The following GALNT13 variants were observed in gnomAD, a reference collection of about 807,000 sequenced individuals.
GALNT13 encodes polypeptide N-acetylgalactosaminyltransferase 13, also known as UDP-GalNAc:polypeptide N-acetylgalactosaminyltransferase 13.
A neutral mutation model predicts 64.2 loss-of-function variants in GALNT13; 28 were observed. That is an observed-to-expected ratio of 0.44 (90% confidence interval 0.32 to 0.60). The LOEUF (loss-of-function observed/expected upper bound fraction) is 0.60. GALNT13 is among the 20% of genes least tolerant of loss of function. The pLI is 0.05. For synonymous variants in GALNT13, 214 were observed against 224.6 expected (o/e 0.95, Z 0.42); for missense variants, 577 against 669.8 (o/e 0.86, Z 1.53).
chr2:153,157,508 A>G, the GALNT13 span, among the ~76,000 whole-genome samples: 2 of 152,188 alleles, frequency 1.3e-5, no homozygotes, highest in East Asian at 1.9e-4. Flanking sequence ...TTTTCAAGCT[A>G]AACGTTACAC....
intron 11 of GALNT13, among the ~76,000 whole-genome samples, chr2:154,422,206 C>T (rs1048213110): frequency 6.6e-6 from 1 of 152,096 alleles, no homozygotes; most frequent in Non-Finnish European, 1.5e-5. Flanking sequence ...CAAAGGTTGT[C>T]AAAGGATCGT....
chr2:153,212,516 C>A, the GALNT13 span, among the ~76,000 whole-genome samples: 1 of 152,142 alleles, frequency 6.6e-6, no homozygotes. Flanking sequence ...GAGGATGATT[C>A]ATTCTTGTGG....
intron 3 of GALNT13, among the ~76,000 whole-genome samples, chr2:154,096,840 A>G (rs1390928843): frequency 1.3e-5 from 2 of 152,060 alleles, no homozygotes; most frequent in Non-Finnish European, 2.9e-5. Context: ...TTTATTAATG[A>G]TAAAGATGAA....
At chr2:153,101,468 T>A in the GALNT13 span, among the ~76,000 whole-genome samples, 7 of 152,380 alleles carry the variant, frequency 4.6e-5, no homozygotes, top group South Asian at 1.4e-3. Context: ...GTGGTTTTAC[T>A]GTTGAAGCAG....
At chr2:153,077,348 A>T in the GALNT13 span, among the ~76,000 whole-genome samples, 1 of 152,210 alleles carries the variant, frequency 6.6e-6, no homozygotes, top group Non-Finnish European at 1.5e-5. Context: ...GAAAAATCTG[A>T]GTCACAATAA....
At chr2:154,170,815 C>T (rs958540044) in intron 4 of GALNT13, among the ~76,000 whole-genome samples, 2 of 151,988 alleles carry the variant, frequency 1.3e-5, no homozygotes, top group Admixed American at 1.3e-4. Context: ...AATGTCCCTA[C>T]AATAGAATTC....
At chr2:153,917,128 A>AT (rs398104869) in intron 2 of GALNT13, among the ~76,000 whole-genome samples, 46,375 of 148,806 alleles carry the variant, frequency 0.31, 7,440 homozygotes, top group Non-Finnish European at 0.37. Context: ...AATTCTGTGC[A>AT]TTTTTTTTTT....
chr2:154,221,148 TGTCA>T (rs1165628607), intron 4 of GALNT13, among the ~76,000 whole-genome samples: 2 of 152,158 alleles, frequency 1.3e-5, no homozygotes, highest in East Asian at 1.9e-4. Flanking sequence ...AAATTAGTAT[TGTCA>T]GTCAATTAAC....
intron 3 of GALNT13, among the ~76,000 whole-genome samples, chr2:154,126,815 A>C (rs777688847): frequency 6.6e-6 from 1 of 152,138 alleles, no homozygotes; most frequent in Non-Finnish European, 1.5e-5. Flanking sequence ...ATGGAGGTTG[A>C]CTTTTTTTTA....
At chr2:154,117,883 C>G (rs1036111213) in intron 3 of GALNT13, among the ~76,000 whole-genome samples, 2 of 152,138 alleles carry the variant, frequency 1.3e-5, no homozygotes, top group Admixed American at 1.3e-4. Flanking sequence ...ACTATAATGT[C>G]TTCATTTAAT....
At chr2:154,364,660 GTTTTGTTT>G (rs1697263608) in intron 9 of GALNT13, among the ~76,000 whole-genome samples, 1 of 149,442 alleles carries the variant, frequency 6.7e-6, no homozygotes, top group Non-Finnish European at 1.5e-5. Flanking sequence ...GTTTTGTTTT[GTTTTGTTT>G]TGTTTTGTTT....
At position 154,027,101 on chromosome 2, in the gene GALNT13, G is replaced by A. The variant is rs76828717; in HGVS notation, c.142+82462G>A. Among the ~76,000 whole-genome samples the A allele has an allele frequency of 2.4e-3, 367 of 152,246 alleles. 9 individuals are homozygous for A. In the East Asian group the frequency reaches 0.055, roughly 23 times the overall value. On this transcript the variant is annotated intron_variant, in intron 3 of 12. Transcript: ENST00000392825. The stretch of plus-strand genomic sequence containing the variant: ...AAGATTCAAAAGTATTAAATGATAT[G>A]TAGAATATCATATTCTTTTTACCTA...
At chr2:153,577,449 C>CTA in the GALNT13 span, among the ~76,000 whole-genome samples, 1,452 of 152,196 alleles carry the variant, frequency 9.5e-3, 21 homozygotes, top group African/African-American at 0.033. Flanking sequence ...GTTTGCCTTT[C>CTA]TAGCTCACAG....
At chr2:153,714,839 A>T in the GALNT13 span, among the ~76,000 whole-genome samples, 1 of 152,230 alleles carries the variant, frequency 6.6e-6, no homozygotes, top group Non-Finnish European at 1.5e-5. Flanking sequence ...GAGTAATACT[A>T]CTTCATACTT....
the GALNT13 span, among the ~76,000 whole-genome samples, chr2:153,297,002 A>G: frequency 6.6e-6 from 1 of 152,228 alleles, no homozygotes; most frequent in East Asian, 1.9e-4. Flanking sequence ...ATATAAAAAT[A>G]GAATGGAAGA....
At chr2:153,077,831 G>A in the GALNT13 span, among the ~76,000 whole-genome samples, 1 of 152,156 alleles carries the variant, frequency 6.6e-6, no homozygotes. Flanking sequence ...TATTTTTAAG[G>A]TCTAATTGGT....
At chr2:153,841,291 G>C in the GALNT13 span, among the ~76,000 whole-genome samples, 1 of 151,964 alleles carries the variant, frequency 6.6e-6, no homozygotes, top group Non-Finnish European at 1.5e-5. Context: ...AAAATACATA[G>C]CTATTCAACT....
the GALNT13 span, among the ~76,000 whole-genome samples, chr2:153,843,556 A>G: frequency 5.3e-5 from 8 of 152,168 alleles, no homozygotes; most frequent in Non-Finnish European, 8.8e-5. Flanking sequence ...CGCAAATATC[A>G]TGTCCTTCTC....
At chr2:153,928,110 C>A (rs1574135454) in intron 2 of GALNT13, among the ~76,000 whole-genome samples, 1 of 151,832 alleles carries the variant, frequency 6.6e-6, no homozygotes, top group Admixed American at 6.6e-5. Context: ...ACTTTCTATC[C>A]CCCATTAATT....
Sources: gnomAD v4.1 joint callset for allele counts (sites outside exome capture counted in the v4.1 genomes callset) on GRCh38, gnomAD v4.1.1 for gene constraint, MANE v1.5 for transcripts, NCBI Gene and HGNC (gene_info 2026-07-23, HGNC 2026-07-21) for gene names.